The following ATAD2B variants were observed in gnomAD, a reference collection of about 807,000 sequenced individuals.
ATAD2B encodes ATPase family AAA domain containing 2B.
Under a neutral mutation model 167.6 loss-of-function variants are expected in ATAD2B, and 40 were observed. The observed-to-expected ratio is 0.24, with a 90% CI of 0.19 to 0.31. The LOEUF (loss-of-function observed/expected upper bound fraction) is 0.31, where lower values mean the gene tolerates loss of function less well. ATAD2B is among the 10% of genes least tolerant of loss of function. The pLI is 1.00. For missense variants in ATAD2B, 1,242 were observed against 1,757.2 expected (o/e 0.71, Z 5.24); for synonymous variants, 579 against 596.5 (o/e 0.97, Z 0.43).
In ATAD2B at chr2:23,894,475, AAAAG is replaced by A. The variant is rs561463349; in HGVS notation, c.368+1340_368+1343del. 7.7e-4 allele frequency among the ~76,000 whole-genome samples: 117 copies of A among 152,138 alleles called. 1 individual carries two copies. The highest frequency in any genetic ancestry group is 2.7e-3 in the African/African-American group (112 of 41,536). ...CAGCAAAACTCCATCTCAAAAAAAAAAAAGAAAGAAAGAAAAGAAATATCAAGAT... is the reference window on the plus strand; with the variant it reads ...CAGCAAAACTCCATCTCAAAAAAAAAAAAGAAAGAAAAGAAATATCAAGAT... On this transcript the variant is annotated intron_variant, in intron 2 of 27. Coordinates refer to ENST00000238789, the MANE Select transcript of ATAD2B (RefSeq NM_017552.4).
chr2:23,776,343 C>T (rs541868817), intron 22 of ATAD2B, among the ~76,000 whole-genome samples: 5 of 152,286 alleles, frequency 3.3e-5, no homozygotes, highest in South Asian at 2.1e-4. Context: ...TTAATCCCTG[C>T]AGCCACTGCA....
chr2:23,692,568 G>C, the ATAD2B span, among the ~76,000 whole-genome samples: 1 of 152,226 alleles, frequency 6.6e-6, no homozygotes, highest in African/African-American at 2.4e-5. Flanking sequence ...GCACCAAGCA[G>C]TCTCGAGGTG....
intron 14 of ATAD2B, among the ~76,000 whole-genome samples, chr2:23,829,603 T>C (rs886297552): frequency 1.3e-5 from 2 of 152,046 alleles, no homozygotes; most frequent in Non-Finnish European, 2.9e-5. Flanking sequence ...AATTGTTTTT[T>C]AATTAATTGG....
At chr2:23,894,927 G>A (rs1459277725) in intron 2 of ATAD2B, among the ~76,000 whole-genome samples, 1 of 152,070 alleles carries the variant, frequency 6.6e-6, no homozygotes, top group Non-Finnish European at 1.5e-5. Context: ...ACCCCTTAGG[G>A]ACTAATAAAT....
chr2:23,791,054 C>G (rs1297486807), intron 19 of ATAD2B, among the ~76,000 whole-genome samples: 2 of 152,232 alleles, frequency 1.3e-5, no homozygotes, highest in Admixed American at 6.5e-5. Flanking sequence ...TATCATACAA[C>G]TGACAGTCTT....
chr2:23,819,617 G>A, intron 17 of ATAD2B, 130 bp downstream of exon 17: 1 of 708,784 alleles, frequency 1.4e-6, no homozygotes, highest in Non-Finnish European at 2.0e-6. Context: ...AAGTTTTCCA[G>A]AATTGTGTCC....
the ATAD2B span, among the ~76,000 whole-genome samples, chr2:23,729,946 A>C: frequency 1.3e-5 from 2 of 152,234 alleles, no homozygotes; most frequent in Non-Finnish European, 2.9e-5. Flanking sequence ...ATCCACAATT[A>C]TACTTGGAGA....
rs574950318 is a variant in ATAD2B, at chr2:23,925,126, C to T, written c.216+1429G>A. ...AAAATATGTGATAGCCTCAGTAGGT[C>T]AAGAAGCTTGAACATGTTTGGAATA... is the stretch of plus-strand genomic sequence containing the variant. On this transcript the variant is annotated intron_variant, in intron 1 of 27. Coordinates refer to ENST00000238789, the MANE Select transcript of ATAD2B (RefSeq NM_017552.4). Among the ~76,000 whole-genome samples the T allele has an allele frequency of 3.5e-3, 534 of 152,270 alleles. 4 individuals are homozygous for T. The highest frequency in any genetic ancestry group is 6.5e-3 in the Non-Finnish European group (440 of 68,022).
the ATAD2B span, chr2:23,703,742 A>G: frequency 6.5e-7 from 1 of 1,537,090 alleles, no homozygotes; most frequent in Non-Finnish European, 8.7e-7. Flanking sequence ...CCCCGCTGTC[A>G]CGCTCAATGG....
At chr2:23,703,746 T>G in the ATAD2B span, 1 of 1,537,208 alleles carries the variant, frequency 6.5e-7, no homozygotes, top group Non-Finnish European at 8.7e-7. Context: ...GCTGTCACGC[T>G]CAATGGCTTC....
At chr2:23,812,848 CAA>C (rs71402512) in intron 17 of ATAD2B, among the ~76,000 whole-genome samples, 2 of 129,842 alleles carry the variant, frequency 1.5e-5, no homozygotes, top group Non-Finnish European at 1.6e-5. Flanking sequence ...GACTCAGTCT[CAA>C]AAAAAAAAAA....
intron 18 of ATAD2B, chr2:23,809,083 T>C (rs1161110239): frequency 6.6e-6 from 1 of 152,204 alleles, no homozygotes; most frequent in African/African-American, 2.4e-5. Flanking sequence ...GGGGTCAATT[T>C]TGTTGATTTA....
intron 18 of ATAD2B, among the ~76,000 whole-genome samples, chr2:23,800,381 T>C (rs1683294331): frequency 6.6e-6 from 1 of 152,210 alleles, no homozygotes; most frequent in African/African-American, 2.4e-5. Context: ...CTAGTACTTC[T>C]AGGTTAGATT....
intron 25 of ATAD2B, among the ~76,000 whole-genome samples, chr2:23,755,328 G>GTT (rs1260638092): frequency 3.3e-5 from 5 of 152,162 alleles, no homozygotes; most frequent in African/African-American, 1.2e-4. Context: ...CATTAAAAGT[G>GTT]TAATAGGGCT....
Position 23,768,273 on chromosome 2 carries a change from C to T in ATAD2B, c.3134-2645G>A, listed in dbSNP as rs74362235. On this transcript the variant is annotated intron_variant, in intron 22 of 27. Transcript: ENST00000238789. ...CAATGGGCCAGGGGAAGTGATCGTGCCCGTAGTCAAAGCACTTTGGGAGGG... is the reference window on the plus strand; with the variant it reads ...CAATGGGCCAGGGGAAGTGATCGTGTCCGTAGTCAAAGCACTTTGGGAGGG... Among the ~76,000 whole-genome samples the T allele has an allele frequency of 4.9e-3, 739 of 152,146 alleles. 5 individuals carry two copies. The highest frequency in any genetic ancestry group is 0.017 in the African/African-American group (710 of 41,516).
intron 1 of ATAD2B, among the ~76,000 whole-genome samples, chr2:23,904,502 G>A (rs1011425818): frequency 6.8e-6 from 1 of 146,126 alleles, no homozygotes; most frequent in Admixed American, 6.9e-5. Flanking sequence ...AAAAAAGAAA[G>A]AATAGTTTAG....
chr2:23,849,012 CTA>C (rs1692133751), intron 13 of ATAD2B, among the ~76,000 whole-genome samples: 1 of 147,630 alleles, frequency 6.8e-6, no homozygotes, highest in African/African-American at 2.5e-5. Context: ...AATTGAGACT[CTA>C]AAAAAAAACT....
chr2:23,692,045 A>G, the ATAD2B span, among the ~76,000 whole-genome samples: 4 of 152,044 alleles, frequency 2.6e-5, no homozygotes, highest in African/African-American at 4.8e-5. Flanking sequence ...AGATAACTAC[A>G]TGCAAAGGCT....
chr2:23,784,006 T>C (rs543684606), intron 21 of ATAD2B, among the ~76,000 whole-genome samples: 1 of 152,162 alleles, frequency 6.6e-6, no homozygotes, highest in African/African-American at 2.4e-5. Flanking sequence ...TAAGTAGAAG[T>C]GTATGTGTGC....
Sources: gnomAD v4.1 joint callset for allele counts (sites outside exome capture counted in the v4.1 genomes callset) on GRCh38, gnomAD v4.1.1 for gene constraint, MANE v1.5 for transcripts, NCBI Gene and HGNC (gene_info 2026-07-23, HGNC 2026-07-21) for gene names.